Variants in LIN9 observed in about 807,000 individuals in gnomAD.
LIN9 encodes protein lin-9 homolog.
A neutral mutation model predicts 78.0 loss-of-function variants in LIN9; 18 were observed. The observed-to-expected ratio is 0.23, with a 90% CI of 0.16 to 0.34. The LOEUF (loss-of-function observed/expected upper bound fraction) is 0.34. Among genes scored for constraint, LIN9 ranks in the 10% least tolerant of loss-of-function variants. The probability of loss-of-function intolerance (pLI) is 1.00; values close to 1 mark genes in which losing one functional copy is unlikely to be tolerated. For synonymous variants in LIN9, 192 were observed against 215.2 expected (o/e 0.89, Z 0.94); for missense variants, 451 against 644.1 (o/e 0.70, Z 3.25).
At chr1:226,302,012 T>A (rs1576362952) in intron 1 of LIN9, among the ~76,000 whole-genome samples, 1 of 152,336 alleles carries the variant, frequency 6.6e-6, no homozygotes, top group South Asian at 2.1e-4. Flanking sequence ...GAGGCGGCAG[T>A]GAGCTGTGAC....
chr1:226,275,691 C>CA (rs1315376373), intron 7 of LIN9, among the ~76,000 whole-genome samples: 1,066 of 42,984 alleles, frequency 0.025, 58 homozygotes, highest in South Asian at 0.034. Flanking sequence ...GACTCCGTCT[C>CA]AGAAAAAAAA....
At chr1:226,283,726 T>C (rs1661219465) in intron 6 of LIN9, among the ~76,000 whole-genome samples, 1 of 152,128 alleles carries the variant, frequency 6.6e-6, no homozygotes, top group Non-Finnish European at 1.5e-5. Flanking sequence ...GGCAGGCGGA[T>C]TGCCTGAGGT....
intron 12 of LIN9, among the ~76,000 whole-genome samples, chr1:226,235,232 G>A (rs1204445993): frequency 6.9e-6 from 1 of 144,646 alleles, no homozygotes; most frequent in East Asian, 2.1e-4. Context: ...TGAGGCAGGA[G>A]AATCGCTTGA....
intron 10 of LIN9, among the ~76,000 whole-genome samples, chr1:226,260,007 G>A (rs1659466393): frequency 6.6e-6 from 1 of 151,980 alleles, no homozygotes; most frequent in African/African-American, 2.4e-5. Context: ...ATACTGATAA[G>A]CCTCTAGCTA....
chr1:226,274,627 G>T (rs1279589372), intron 7 of LIN9, among the ~76,000 whole-genome samples: 8 of 150,754 alleles, frequency 5.3e-5, no homozygotes, highest in African/African-American at 1.9e-4. Flanking sequence ...ATGTTATCTT[G>T]CTTAATATTG....
At chr1:226,287,827 T>C in intron 4 of LIN9, 30 bp from the exon 5 acceptor site, 1 of 1,479,430 alleles carries the variant, frequency 6.8e-7, no homozygotes, top group Non-Finnish European at 9.0e-7. Context: ...GATTAATTTA[T>C]GGCTCCATTA....
At chr1:226,303,462 A>G (rs982746973) in intron 1 of LIN9, among the ~76,000 whole-genome samples, 3 of 152,228 alleles carry the variant, frequency 2.0e-5, no homozygotes, top group Non-Finnish European at 2.9e-5. Context: ...ATGAGCTTCT[A>G]TGAAAGGTGA....
chr1:226,266,166 C>T, intron 9 of LIN9, 47 bp downstream of exon 9: 2 of 1,345,514 alleles, frequency 1.5e-6, no homozygotes, highest in South Asian at 1.7e-5. Context: ...CATAGTTCAC[C>T]TTCATAAAAA....
At chr1:226,283,933 C>T (rs1007451873) in intron 6 of LIN9, among the ~76,000 whole-genome samples, 12 of 151,708 alleles carry the variant, frequency 7.9e-5, no homozygotes, top group African/African-American at 2.9e-4. Flanking sequence ...CAGAGCAAGA[C>T]TCCCATCTCA....
In LIN9 at chr1:226,265,919, C is replaced by T. The variant is rs575808654; in HGVS notation, c.937-285G>A. On this transcript the variant is annotated intron_variant, in intron 9 of 14. Coordinates refer to ENST00000681046, the MANE Select transcript of LIN9 (RefSeq NM_001366245.2). This position sits in a 1 kb window ranked among gnomAD's most constrained non-coding sequence, Gnocchi z 4.1. The stretch of plus-strand genomic sequence containing the variant: ...GTCTCGAACTCCTGACCTCGTGATC[C>T]GCCTGCCTCAGCCTCCCAAAGTGCT... 1.4e-3 allele frequency among the ~76,000 whole-genome samples: 210 copies of T among 152,140 alleles called. 2 individuals carry two copies. The highest frequency in any genetic ancestry group is 4.8e-3 in the African/African-American group (198 of 41,518).
intron 4 of LIN9, among the ~76,000 whole-genome samples, chr1:226,290,583 G>A (rs930194246): frequency 4.0e-5 from 6 of 151,870 alleles, no homozygotes; most frequent in South Asian, 4.2e-4. Flanking sequence ...CTCGTGATCC[G>A]CCCACCTCGG....
intron 1 of LIN9, among the ~76,000 whole-genome samples, chr1:226,308,539 G>T (rs1389482788): frequency 6.6e-6 from 1 of 152,224 alleles, no homozygotes; most frequent in Non-Finnish European, 1.5e-5. Context: ...CTCTGACACG[G>T]AAACACTTCC....
intron 5 of LIN9, 150 bp downstream of exon 5, chr1:226,287,514 A>G: frequency 1.9e-6 from 1 of 535,176 alleles, no homozygotes. Flanking sequence ...TGACAAATAG[A>G]ATAGATCCAA....
chr1:226,285,584 ATTC>A (rs1661340855), intron 6 of LIN9, among the ~76,000 whole-genome samples: 1 of 152,204 alleles, frequency 6.6e-6, no homozygotes, highest in South Asian at 2.1e-4. Flanking sequence ...TGATCTAATT[ATTC>A]TTCTAACATA....
intron 11 of LIN9, among the ~76,000 whole-genome samples, chr1:226,250,015 C>T (rs2102864592): frequency 1.3e-5 from 2 of 152,034 alleles, no homozygotes; most frequent in Admixed American, 1.3e-4. Flanking sequence ...ACTAAAAATA[C>T]AAAAATTAGC....
At chr1:226,274,026 CAG>C (rs1304261055) in intron 7 of LIN9, among the ~76,000 whole-genome samples, 1 of 151,888 alleles carries the variant, frequency 6.6e-6, no homozygotes, top group African/African-American at 2.4e-5. Context: ...TTAGTAGAGA[CAG>C]GGTTTCACCA....
In LIN9 at chr1:226,233,496, CAGGCTGG is replaced by C; in HGVS notation, c.1266_1272del (p.Pro424IlefsTer6). ...CGTCTCATATCTGTTGGCTGATCTG[CAGGCTGG>C]AGCCCCTGGTCTGGAGCAAGCTGAA... On this transcript the variant is annotated frameshift_variant, in exon 13 of 15. Coordinates refer to ENST00000681046, the MANE Select transcript of LIN9 (RefSeq NM_001366245.2). LOFTEE classifies it high-confidence loss of function. 1 of 1,613,738 alleles carries C rather than the reference CAGGCTGG, an allele frequency of 6.2e-7. No individual in the cohort carries two copies. The highest frequency in any genetic ancestry group is 8.5e-7 in the Non-Finnish European group (1 of 1,179,898).
chr1:226,256,552 A>AATATAT (rs754927514), intron 10 of LIN9, among the ~76,000 whole-genome samples: 1 of 146,752 alleles, frequency 6.8e-6, no homozygotes, highest in Non-Finnish European at 1.5e-5. Flanking sequence ...AAATAAAATA[A>AATATAT]ATATATATAT....
In LIN9 at chr1:226,298,594, C is replaced by T. The variant is rs528690754; in HGVS notation, c.65-781G>A. The stretch of plus-strand genomic sequence containing the variant: ...AAGGAAATTAGGCCAGGTGCAATGG[C>T]TCATGCCTATAATTCCAGGACTTTG... On this transcript the variant is annotated intron_variant, in intron 2 of 14. Transcript: ENST00000681046. Among the ~76,000 whole-genome samples, 6 of 152,336 alleles carry T rather than the reference C, an allele frequency of 3.9e-5. No individual in the cohort carries two copies. In the East Asian group the frequency reaches 1.2e-3, roughly 29 times the overall value.
Sources: gnomAD v4.1 joint callset for allele counts (sites outside exome capture counted in the v4.1 genomes callset) on GRCh38, gnomAD v4.1.1 for gene constraint, Gnocchi (gnomAD v3.1) non-coding constraint, MANE v1.5 for transcripts, NCBI Gene and HGNC (gene_info 2026-07-23, HGNC 2026-07-21) for gene names.